Variants in ADARB2 observed in about 807,000 individuals in gnomAD.
The protein encoded by ADARB2 is inactive double-stranded RNA-specific editase B2.
Under a neutral mutation model 62.2 loss-of-function variants are expected in ADARB2, and 25 were observed. That is an observed-to-expected ratio of 0.40 (90% CI 0.29 to 0.56). ADARB2 has a LOEUF of 0.56. Ranked by LOEUF, ADARB2 falls within the 20% of genes least tolerant of loss-of-function variation. The probability of loss-of-function intolerance (pLI) is 0.43; values close to 1 mark genes in which losing one functional copy is unlikely to be tolerated. For synonymous variants in ADARB2, 572 were observed against 500.8 expected (o/e 1.14, Z -1.90); for missense variants, 1,071 against 1,077.4 (o/e 0.99, Z 0.08).
chr10:1,459,606 A>G (rs1164503878), intron 1 of ADARB2, among the ~76,000 whole-genome samples: 2 of 152,226 alleles, frequency 1.3e-5, no homozygotes, highest in Non-Finnish European at 2.9e-5. Flanking sequence ...TCTACTAAAA[A>G]TACAAAATTA....
intron 6 of ADARB2, among the ~76,000 whole-genome samples, chr10:1,224,683 A>C (rs1333301507): frequency 6.6e-6 from 1 of 152,134 alleles, no homozygotes; most frequent in East Asian, 1.9e-4. Context: ...TTCATTATGT[A>C]CCCAGTAGTC....
chr10:1,474,700 G>A (rs1295933769), intron 1 of ADARB2, among the ~76,000 whole-genome samples: 1 of 152,226 alleles, frequency 6.6e-6, no homozygotes, highest in Admixed American at 6.5e-5. Flanking sequence ...GGATACAGGG[G>A]AGAGAATGCG....
intron 1 of ADARB2, among the ~76,000 whole-genome samples, chr10:1,625,486 G>T (rs1203002313): frequency 6.6e-6 from 1 of 152,120 alleles, no homozygotes; most frequent in East Asian, 1.9e-4. Context: ...GTGAACAGAC[G>T]GCAGGGAATG....
chr10:1,659,582 G>C (rs1834218258), intron 1 of ADARB2, among the ~76,000 whole-genome samples: 1 of 152,244 alleles, frequency 6.6e-6, no homozygotes, highest in Non-Finnish European at 1.5e-5. Flanking sequence ...GAACGATGAG[G>C]CTGGAATACA....
At chr10:1,466,996 G>A (rs34203236) in intron 1 of ADARB2, among the ~76,000 whole-genome samples, 15,609 of 151,984 alleles carry the variant, frequency 0.1, 867 homozygotes, top group Middle Eastern at 0.2. Flanking sequence ...CTGAAGGACC[G>A]GCCTTCAGCA....
chr10:1,611,117 G>A (rs1430371639), intron 1 of ADARB2, among the ~76,000 whole-genome samples: 3 of 152,222 alleles, frequency 2.0e-5, no homozygotes, highest in Non-Finnish European at 4.4e-5. Flanking sequence ...AAGGGCAAGG[G>A]AGGGGGAGGA....
At chr10:1,542,274 C>T (rs370950504) in intron 1 of ADARB2, among the ~76,000 whole-genome samples, 1 of 5,358 alleles carries the variant, frequency 1.9e-4, no homozygotes, top group Admixed American at 2.2e-3. Context: ...ATCACAGCCG[C>T]CCAGACCGCA....
chr10:1,725,006 A>T (rs1489323821), intron 1 of ADARB2, among the ~76,000 whole-genome samples: 2 of 152,234 alleles, frequency 1.3e-5, no homozygotes, highest in Admixed American at 1.3e-4. Flanking sequence ...AATATTAGTT[A>T]TTAATCTTTA....
intron 4 of ADARB2, among the ~76,000 whole-genome samples, chr10:1,254,551 C>G (rs1831063913): frequency 6.6e-6 from 1 of 152,240 alleles, no homozygotes; most frequent in Non-Finnish European, 1.5e-5. Context: ...GAATGAGCAT[C>G]TCCTTGTGAG....
intron 2 of ADARB2, among the ~76,000 whole-genome samples, chr10:1,369,788 A>C (rs1832351452): frequency 6.6e-6 from 1 of 152,138 alleles, no homozygotes; most frequent in Non-Finnish European, 1.5e-5. Context: ...TCTGATCCCT[A>C]GAGCAGGCAC....
At chr10:1,187,502 C>G (rs1250198505) in intron 8 of ADARB2, among the ~76,000 whole-genome samples, 2 of 152,086 alleles carry the variant, frequency 1.3e-5, no homozygotes, top group African/African-American at 4.8e-5. Flanking sequence ...CAGAGGAAAG[C>G]CTTGGGAGCC....
At chr10:1,310,272 T>C (rs1831676607) in intron 3 of ADARB2, among the ~76,000 whole-genome samples, 1 of 152,164 alleles carries the variant, frequency 6.6e-6, no homozygotes, top group Non-Finnish European at 1.5e-5. Flanking sequence ...TGAGAGACAC[T>C]CCCAGATGTT....
At chr10:1,336,272 G>A (rs1831974320) in intron 3 of ADARB2, among the ~76,000 whole-genome samples, 1 of 152,188 alleles carries the variant, frequency 6.6e-6, no homozygotes, top group Non-Finnish European at 1.5e-5. Context: ...CTCCATTAAA[G>A]CAATTATCTT....
chr10:1,508,670 T>A (rs1019884134), intron 1 of ADARB2, among the ~76,000 whole-genome samples: 11 of 152,102 alleles, frequency 7.2e-5, no homozygotes, highest in African/African-American at 2.2e-4. Context: ...TTCCAGCTAC[T>A]CAGGAGGCTG....
chr10:1,702,815 C>T (rs1335910779), intron 1 of ADARB2, among the ~76,000 whole-genome samples: 2 of 152,324 alleles, frequency 1.3e-5, no homozygotes, highest in African/African-American at 2.4e-5. Flanking sequence ...AATGTTTCAC[C>T]ACATGCGATG....
chr10:1,351,078 C>T (rs1285698623), intron 3 of ADARB2, among the ~76,000 whole-genome samples: 1 of 152,156 alleles, frequency 6.6e-6, no homozygotes, highest in East Asian at 1.9e-4. Context: ...AGGATTCCTC[C>T]TAAGCCGTGT....
At chr10:1,453,222 C>A (rs1312684183) in intron 1 of ADARB2, among the ~76,000 whole-genome samples, 4 of 152,228 alleles carry the variant, frequency 2.6e-5, no homozygotes, top group African/African-American at 4.8e-5. Flanking sequence ...AAATCATGGG[C>A]TTTTCCCTTT....
chr10:1,567,001 A>G (rs901897984), intron 1 of ADARB2, among the ~76,000 whole-genome samples: 1 of 152,226 alleles, frequency 6.6e-6, no homozygotes, highest in Admixed American at 6.5e-5. Context: ...TTTTAGAAAT[A>G]CAATGTAAGT....
chr10:1,665,410 G>C (rs1564362184), intron 1 of ADARB2, among the ~76,000 whole-genome samples: 1 of 152,250 alleles, frequency 6.6e-6, no homozygotes, highest in African/African-American at 2.4e-5. Context: ...TCCACCCAGG[G>C]AACGGCACAC....
Sources: allele counts gnomAD v4.1 joint callset (sites outside exome capture counted in the v4.1 genomes callset), GRCh38; gene constraint gnomAD v4.1.1; transcripts MANE v1.5; gene names NCBI Gene and HGNC (gene_info 2026-07-23, HGNC 2026-07-21).